TMEM242: variants seen among roughly 807,000 people sequenced by gnomAD.
TMEM242 encodes UPF0463 transmembrane protein C6orf35.
A neutral mutation model predicts 18.2 loss-of-function variants in TMEM242; 10 were observed. The observed-to-expected ratio is 0.55, with a 90% confidence interval of 0.34 to 0.93. The LOEUF (loss-of-function observed/expected upper bound fraction) is 0.93. Among genes scored for constraint, TMEM242 ranks in the 40% least tolerant of loss-of-function variants. The probability of loss-of-function intolerance (pLI) is 0.02; values close to 1 mark genes in which losing one functional copy is unlikely to be tolerated. For synonymous variants in TMEM242, 57 were observed against 69.9 expected, an observed-to-expected ratio of 0.81 and a Z score of 0.92; for missense variants, 186 against 175.5, an observed-to-expected ratio of 1.06 and a Z score of -0.34.
chr6:157,295,197 T>C (rs892386913), intron 3 of TMEM242, among the ~76,000 whole-genome samples: 6 of 152,362 alleles, frequency 3.9e-5, no homozygotes, highest in Middle Eastern at 3.4e-3. Flanking sequence ...TTACATATTG[T>C]CTGTATCTGT....
At chr6:157,295,945 T>A (rs1163449138) in intron 3 of TMEM242, among the ~76,000 whole-genome samples, 3 of 152,186 alleles carry the variant, frequency 2.0e-5, no homozygotes, top group Non-Finnish European at 4.4e-5. Flanking sequence ...ACTGTTCATA[T>A]TACATGGACA....
intron 3 of TMEM242, among the ~76,000 whole-genome samples, chr6:157,296,317 T>C (rs1777748737): frequency 6.6e-6 from 1 of 152,158 alleles, no homozygotes; most frequent in East Asian, 1.9e-4. Context: ...AATTTTCCTA[T>C]ACTATGGATA....
intron 3 of TMEM242, chr6:157,300,062 A>G (rs1777806719): frequency 1.3e-6 from 1 of 773,056 alleles, no homozygotes; most frequent in Non-Finnish European, 2.3e-6. Flanking sequence ...ACACAGGGAC[A>G]GGAAATTCGC....
chr6:157,294,593 G>A (rs1554247099), intron 3 of TMEM242, among the ~76,000 whole-genome samples: 1 of 151,488 alleles, frequency 6.6e-6, no homozygotes, highest in East Asian at 1.9e-4. Flanking sequence ...CTCGTGATCC[G>A]CCCGCCTCGG....
chr6:157,313,417 G>A (rs1175903152), intron 3 of TMEM242, among the ~76,000 whole-genome samples: 7 of 26,066 alleles, frequency 2.7e-4, no homozygotes, highest in Admixed American at 2.1e-3. Context: ...TGTCCAGTGT[G>A]CGCTCACCTG....
At chr6:157,314,105 G>T in intron 3 of TMEM242, among the ~76,000 whole-genome samples, 1 of 135,180 alleles carries the variant, frequency 7.4e-6, no homozygotes, top group Non-Finnish European at 1.6e-5. Context: ...CGCTCACCCG[G>T]CCTCATCATT....
chr6:157,296,795 A>G (rs1777755987), intron 3 of TMEM242, among the ~76,000 whole-genome samples: 1 of 152,152 alleles, frequency 6.6e-6, no homozygotes, highest in South Asian at 2.1e-4. Context: ...TGGGCCCACC[A>G]TCCTCATTTC....
chr6:157,313,000 G>A (rs77884040), intron 3 of TMEM242, among the ~76,000 whole-genome samples: 4 of 99,608 alleles, frequency 4.0e-5, no homozygotes, highest in African/African-American at 8.4e-5. Context: ...TCATCATAGT[G>A]TCCCAGTGTC....
intron 3 of TMEM242, among the ~76,000 whole-genome samples, chr6:157,312,680 A>AGTGTCGCCGTCTGCGCTCACCCG (rs1778207916): frequency 1.7e-5 from 1 of 59,090 alleles, no homozygotes; most frequent in African/African-American, 6.3e-5. Flanking sequence ...GCACTCACCT[A>AGTGTCGCCGTCTGCGCTCACCCG]GCCTCATCAT....
intron 3 of TMEM242, among the ~76,000 whole-genome samples, chr6:157,298,266 T>G (rs138053809): frequency 6.6e-6 from 1 of 152,222 alleles, no homozygotes; most frequent in Middle Eastern, 3.2e-3. Context: ...GATTCTAAAA[T>G]GATTTTTACT....
chr6:157,314,564 C>T (rs1374251372), intron 3 of TMEM242, among the ~76,000 whole-genome samples: 6 of 152,122 alleles, frequency 3.9e-5, no homozygotes, highest in African/African-American at 1.4e-4. Flanking sequence ...CAGGGTGGGC[C>T]GGGGAGCAGG....
At chr6:157,313,382 G>C (rs1554249738) in intron 3 of TMEM242, among the ~76,000 whole-genome samples, 2 of 19,090 alleles carry the variant, frequency 1.0e-4, no homozygotes, top group Non-Finnish European at 1.9e-4. Context: ...GTGCCTCAGT[G>C]TACGCTCACC....
At chr6:157,314,233 C>T (rs1554250062) in intron 3 of TMEM242, among the ~76,000 whole-genome samples, 4 of 149,890 alleles carry the variant, frequency 2.7e-5, no homozygotes, top group African/African-American at 7.3e-5. Flanking sequence ...CCAGTGTGCA[C>T]TCACCTGGCC....
intron 3 of TMEM242, among the ~76,000 whole-genome samples, chr6:157,297,886 A>G (rs1209630728): frequency 2.0e-5 from 3 of 152,228 alleles, no homozygotes. Flanking sequence ...TAAGCTACTA[A>G]TCCTATTATT....
intron 3 of TMEM242, among the ~76,000 whole-genome samples, chr6:157,314,557 G>A (rs1778351657): frequency 6.6e-6 from 1 of 152,200 alleles, no homozygotes; most frequent in African/African-American, 2.4e-5. Flanking sequence ...TGTTGGCCAG[G>A]GTGGGCCGGG....
Position 157,323,413 on chromosome 6 carries a change from T to C in TMEM242, c.87A>G (p.Lys29=). ...GCACCTCACCACAGCACATCTTACCTTTAACCAGGAAAAGCCGGTCATTCG... is the reference window on the plus strand; with the variant it reads ...GCACCTCACCACAGCACATCTTACCCTTAACCAGGAAAAGCCGGTCATTCG... ...GSTNDRLFLV[K]GGIFLGTVAA... Residue 29 remains lysine, a splice_region_variant and synonymous_variant, in exon 1 of 4, where the codon AAA becomes AAG. Coordinates refer to ENST00000400788, the MANE Select transcript of TMEM242 (RefSeq NM_018452.6). The C allele has an allele frequency of 3.1e-6, 5 of 1,614,008 alleles. No individual in the cohort carries two copies. Among genetic ancestry groups the C allele is most frequent in the Non-Finnish European group, 4.2e-6 (5 of 1,179,916 alleles).
chr6:157,303,286 G>C (rs1554247650), intron 3 of TMEM242, among the ~76,000 whole-genome samples: 1 of 152,234 alleles, frequency 6.6e-6, no homozygotes, highest in African/African-American at 2.4e-5. Flanking sequence ...TAAAAGGTGA[G>C]AGAGACAGAA....
chr6:157,292,221 G>C lies in TMEM242; in HGVS notation c.*680C>G, dbSNP rs958367699. Reference sequence around the variant, plus strand: ...TTCTCAAAAAAATATGTTTACCCCTGATATCATCATTATTTTAGCCCAACT... The same window carrying C: ...TTCTCAAAAAAATATGTTTACCCCTCATATCATCATTATTTTAGCCCAACT... On this transcript the variant is annotated 3_prime_UTR_variant, in exon 4 of 4. Transcript: ENST00000400788. The C allele has an allele frequency of 4.9e-5, 7 of 143,112 alleles. No homozygotes were observed. Among genetic ancestry groups the C allele is most frequent in the South Asian group, 2.4e-4 (1 of 4,242 alleles). The allele number at this position is 143,112 out of a possible 1,614,324, so 8.9% of individuals were successfully genotyped here.
At chr6:157,304,548 C>T (rs1461238664) in intron 3 of TMEM242, among the ~76,000 whole-genome samples, 1 of 146,946 alleles carries the variant, frequency 6.8e-6, no homozygotes, top group Non-Finnish European at 1.5e-5. Context: ...GATCAGATTG[C>T]ATTCAATAAA....
Sources: gnomAD v4.1 joint callset for allele counts (sites outside exome capture counted in the v4.1 genomes callset) on GRCh38, gnomAD v4.1.1 for gene constraint, MANE v1.5 for transcripts, NCBI Gene and HGNC (gene_info 2026-07-23, HGNC 2026-07-21) for gene names.